BTG4: variants seen among roughly 807,000 people sequenced by gnomAD.
BTG4 encodes the protein protein BTG4.
Under a neutral mutation model 19.3 loss-of-function variants are expected in BTG4, and 10 were observed. The observed-to-expected ratio is 0.52, with a 90% CI of 0.32 to 0.88. The LOEUF (loss-of-function observed/expected upper bound fraction) is 0.88, where lower values mean the gene tolerates loss of function less well. Ranked by LOEUF, BTG4 falls within the 40% of genes least tolerant of loss-of-function variation. The pLI is 0.04. For synonymous variants in BTG4, 91 were observed against 95.7 expected (o/e 0.95, Z 0.29); for missense variants, 238 against 281.9 (o/e 0.84, Z 1.11).
At chr11:111,409,051 G>A in the BTG4 span, among the ~76,000 whole-genome samples, 3 of 152,184 alleles carry the variant, frequency 2.0e-5, no homozygotes, top group Non-Finnish European at 4.4e-5. Flanking sequence ...GTGGGATAAC[G>A]CCATTTCAGA....
the BTG4 span, among the ~76,000 whole-genome samples, chr11:111,387,327 G>T: frequency 6.6e-6 from 1 of 152,230 alleles, no homozygotes; most frequent in African/African-American, 2.4e-5. Context: ...GTTGACAGCT[G>T]GATGGCAGGT....
At chr11:111,504,804 T>C (rs1384423816) in intron 1 of BTG4, among the ~76,000 whole-genome samples, 1 of 151,968 alleles carries the variant, frequency 6.6e-6, no homozygotes, top group Non-Finnish European at 1.5e-5. Context: ...CAAAAATCAG[T>C]AGCATTTCTA....
At chr11:111,497,971 C>G in intron 3 of BTG4, 27 bp downstream of exon 3, 1 of 1,606,588 alleles carries the variant, frequency 6.2e-7, no homozygotes, top group Non-Finnish European at 8.5e-7. Context: ...AGGTATCACA[C>G]AGCACACAAA....
chr11:111,491,056 T>C (rs184187186), downstream of BTG4, among the ~76,000 whole-genome samples: 1 of 152,330 alleles, frequency 6.6e-6, no homozygotes, highest in African/African-American at 2.4e-5. Flanking sequence ...AGGAATAAAC[T>C]ACCAATACAT....
At chr11:111,502,796 C>T (rs1332623080) in intron 1 of BTG4, among the ~76,000 whole-genome samples, 2 of 152,184 alleles carry the variant, frequency 1.3e-5, no homozygotes, top group African/African-American at 2.4e-5. Context: ...GAACCCTCTC[C>T]TAGCATTATT....
At chr11:111,499,584 T>C (rs1865943857) in intron 1 of BTG4, among the ~76,000 whole-genome samples, 1 of 152,236 alleles carries the variant, frequency 6.6e-6, no homozygotes, top group Non-Finnish European at 1.5e-5. Flanking sequence ...GAGAATCAAG[T>C]GTTCTCCTTC....
the BTG4 span, chr11:111,451,530 C>T: frequency 5.5e-6 from 2 of 365,214 alleles, no homozygotes; most frequent in Middle Eastern, 7.5e-4. Context: ...CTTTGGGAGG[C>T]CAAGGAGGGC....
the BTG4 span, chr11:111,417,070 G>A: frequency 6.6e-6 from 1 of 152,168 alleles, no homozygotes; most frequent in Non-Finnish European, 1.5e-5. Flanking sequence ...TGCAGCCCAC[G>A]GGGTTTTTGC....
intron 1 of BTG4, among the ~76,000 whole-genome samples, chr11:111,499,789 G>A (rs1177808430): frequency 3.9e-5 from 6 of 152,124 alleles, no homozygotes; most frequent in African/African-American, 1.4e-4. Flanking sequence ...AACCTCACCA[G>A]TTCTCAAAGG....
chr11:111,429,062 A>C, the BTG4 span, among the ~76,000 whole-genome samples: 237 of 152,338 alleles, frequency 1.6e-3, 1 homozygote, highest in African/African-American at 5.1e-3. Context: ...TATATGACTT[A>C]AAATTTGCCA....
intron 5 of BTG4, among the ~76,000 whole-genome samples, chr11:111,488,853 A>C (rs1180187051): frequency 6.6e-6 from 1 of 152,136 alleles, no homozygotes; most frequent in African/African-American, 2.4e-5. Context: ...TTCTTAAAAG[A>C]AAACAAACAA....
intron 5 of BTG4, among the ~76,000 whole-genome samples, chr11:111,474,535 T>G (rs1476530085): frequency 6.6e-6 from 1 of 152,194 alleles, no homozygotes; most frequent in Non-Finnish European, 1.5e-5. Flanking sequence ...TGCTATAAAC[T>G]ATCCCACTGT....
the BTG4 span, among the ~76,000 whole-genome samples, chr11:111,390,161 C>G: frequency 6.6e-6 from 1 of 152,162 alleles, no homozygotes; most frequent in Non-Finnish European, 1.5e-5. Context: ...TCACATTATT[C>G]CCCACAACAT....
the BTG4 span, among the ~76,000 whole-genome samples, chr11:111,391,022 T>A: frequency 6.6e-6 from 1 of 152,250 alleles, no homozygotes; most frequent in Admixed American, 6.5e-5. Context: ...ACCTTAGGTT[T>A]CTTTCGTAAC....
At chr11:111,483,694 G>T (rs1043694898) in intron 5 of BTG4, among the ~76,000 whole-genome samples, 4 of 151,800 alleles carry the variant, frequency 2.6e-5, no homozygotes, top group African/African-American at 4.8e-5. Flanking sequence ...GAAGAGAAAA[G>T]AATAAAAAAG....
chr11:111,389,898 G>T, the BTG4 span, among the ~76,000 whole-genome samples: 1 of 152,182 alleles, frequency 6.6e-6, no homozygotes, highest in Non-Finnish European at 1.5e-5. Flanking sequence ...AGTTCCATGT[G>T]TGCCTTCCAG....
At chr11:111,472,445 G>C (rs1002078361) in intron 5 of BTG4, among the ~76,000 whole-genome samples, 17 of 152,172 alleles carry the variant, frequency 1.1e-4, no homozygotes, top group Non-Finnish European at 2.2e-4. Flanking sequence ...AGGAGAAGGG[G>C]TTGCCACTGA....
At chr11:111,477,308 C>A (rs74399304) in intron 5 of BTG4, among the ~76,000 whole-genome samples, 1,831 of 152,064 alleles carry the variant, frequency 0.012, 45 homozygotes, top group African/African-American at 0.041. Context: ...TTTTTAAAAT[C>A]GACATTCTAG....
downstream of BTG4, among the ~76,000 whole-genome samples, chr11:111,493,997 A>G (rs1179823534): frequency 6.6e-6 from 1 of 152,144 alleles, no homozygotes; most frequent in Non-Finnish European, 1.5e-5. Context: ...AAGTCTACTC[A>G]CAAGAGAACC....
Sources: gnomAD v4.1 joint callset for allele counts (sites outside exome capture counted in the v4.1 genomes callset) on GRCh38, gnomAD v4.1.1 for gene constraint, MANE v1.5 for transcripts, NCBI Gene and HGNC (gene_info 2026-07-23, HGNC 2026-07-21) for gene names.